CNTLN: variants seen among roughly 807,000 people sequenced by gnomAD.
CNTLN encodes the protein centlein.
CNTLN carries 212 observed loss-of-function variants against 180.0 expected under a neutral mutation model. The ratio of observed to expected loss-of-function variants is 1.18; its 90% confidence interval spans 1.05 to 1.32. The LOEUF (loss-of-function observed/expected upper bound fraction) is 1.32. CNTLN is among the 40% of genes most tolerant of loss of function. CNTLN has a pLI of 0.00. For synonymous variants in CNTLN, 722 were observed against 563.1 expected, an observed-to-expected ratio of 1.28 and a Z score of -3.99; for missense variants, 2,095 against 1,610.9, an observed-to-expected ratio of 1.30 and a Z score of -5.14.
chr9:17,268,364 C>G, intron 5 of CNTLN, among the ~76,000 whole-genome samples: 1 of 152,206 alleles, frequency 6.6e-6, no homozygotes, highest in Non-Finnish European at 1.5e-5. Context: ...ATTGGTGACC[C>G]GCAAATGCTG....
the CNTLN span, among the ~76,000 whole-genome samples, chr9:17,510,231 G>A: frequency 5.9e-5 from 9 of 152,204 alleles, no homozygotes; most frequent in Admixed American, 1.3e-4. Flanking sequence ...AAAGGGAATA[G>A]GGAATAAGTA....
chr9:17,459,262 C>T (rs1831315657), intron 19 of CNTLN, among the ~76,000 whole-genome samples: 1 of 151,726 alleles, frequency 6.6e-6, no homozygotes, highest in South Asian at 2.1e-4. Flanking sequence ...ATAATAGATC[C>T]ATATGAGTGT....
chr9:17,401,054 C>T (rs1826934148), intron 15 of CNTLN, among the ~76,000 whole-genome samples: 1 of 152,128 alleles, frequency 6.6e-6, no homozygotes, highest in Admixed American at 6.5e-5. Flanking sequence ...TCTGTGTTCT[C>T]CACTAAATTG....
chr9:17,165,431 A>C (rs550310671), intron 2 of CNTLN, among the ~76,000 whole-genome samples: 16 of 152,296 alleles, frequency 1.1e-4, no homozygotes, highest in African/African-American at 2.2e-4. Flanking sequence ...ATGTAAGGTG[A>C]ATTGATAAGT....
chr9:17,412,694 G>A (rs1026779934), intron 16 of CNTLN, among the ~76,000 whole-genome samples: 3 of 152,150 alleles, frequency 2.0e-5, no homozygotes, highest in African/African-American at 7.2e-5. Flanking sequence ...ATGATGTTTG[G>A]TAGGTCAGAT....
chr9:17,280,889 A>G (rs1392078675), intron 6 of CNTLN, among the ~76,000 whole-genome samples: 1 of 152,180 alleles, frequency 6.6e-6, no homozygotes, highest in Non-Finnish European at 1.5e-5. Flanking sequence ...TTTGAACTGT[A>G]TATATCTGGT....
intron 1 of CNTLN, among the ~76,000 whole-genome samples, chr9:17,139,038 A>G (rs1420689536): frequency 6.6e-6 from 1 of 152,134 alleles, no homozygotes; most frequent in Non-Finnish European, 1.5e-5. Context: ...AAAAATTATT[A>G]TTTGATTCTG....
chr9:17,454,212 G>A (rs1428668003), intron 18 of CNTLN, among the ~76,000 whole-genome samples: 2 of 152,038 alleles, frequency 1.3e-5, no homozygotes, highest in Admixed American at 1.3e-4. Context: ...CTTCCTCAAT[G>A]TTAAATTTAA....
chr9:17,392,664 A>C (rs1245215895), intron 14 of CNTLN, among the ~76,000 whole-genome samples: 1 of 152,204 alleles, frequency 6.6e-6, no homozygotes, highest in African/African-American at 2.4e-5. Context: ...TAGTAGGTTA[A>C]TATATCATAC....
intron 24 of CNTLN, 34 bp from the exon 25 acceptor site, chr9:17,486,955 C>T (rs1296765337): frequency 1.5e-5 from 16 of 1,086,588 alleles, no homozygotes; most frequent in South Asian, 4.2e-5. Context: ...ATATAAATTT[C>T]GTTAACACCA....
chr9:17,281,556 G>C (rs575410190), intron 6 of CNTLN, among the ~76,000 whole-genome samples: 1 of 152,014 alleles, frequency 6.6e-6, no homozygotes, highest in African/African-American at 2.4e-5. Context: ...GTGTTCCTGC[G>C]TTAGTTTGCT....
chr9:17,327,823 G>C (rs145678591), intron 8 of CNTLN, among the ~76,000 whole-genome samples: 2,151 of 151,928 alleles, frequency 0.014, 44 homozygotes, highest in African/African-American at 0.049. Context: ...CATGGTGGCA[G>C]ATGCCTGTAA....
intron 3 of CNTLN, among the ~76,000 whole-genome samples, chr9:17,231,404 T>G (rs1824804494): frequency 6.6e-6 from 1 of 152,098 alleles, no homozygotes; most frequent in African/African-American, 2.4e-5. Flanking sequence ...CTAATAATTA[T>G]TAGTATAAAG....
chr9:17,166,901 A>C (rs1337686245), intron 2 of CNTLN: 1 of 461,952 alleles, frequency 2.2e-6, no homozygotes, highest in African/African-American at 2.0e-5. Flanking sequence ...TGTGAGATCC[A>C]ACACATGAAT....
In CNTLN at chr9:17,328,098, A is replaced by G. The variant is rs144759230; in HGVS notation, c.1342-2534A>G. ...CATTTCAGGGTTGTTTTTGTACCTT[A>G]TGCATGTTTGGTGAAATCTATTTCT... On this transcript the variant is annotated intron_variant, in intron 8 of 25. Transcript: ENST00000380647. Among the ~76,000 whole-genome samples the G allele has an allele frequency of 1.2e-3, 176 of 152,300 alleles. 3 individuals carry two copies. The highest frequency in any genetic ancestry group is 3.9e-3 in the African/African-American group (163 of 41,570).
intron 2 of CNTLN, among the ~76,000 whole-genome samples, chr9:17,209,731 T>C (rs1460603705): frequency 6.6e-6 from 1 of 152,212 alleles, no homozygotes; most frequent in Non-Finnish European, 1.5e-5. Flanking sequence ...TAGCTACTCA[T>C]ACTCATTTGA....
intron 25 of CNTLN, among the ~76,000 whole-genome samples, chr9:17,500,736 G>A (rs775034184): frequency 2.2e-4 from 33 of 152,156 alleles, no homozygotes; most frequent in Non-Finnish European, 4.6e-4. Context: ...AGTAAGGGAC[G>A]GGAAATTACT....
At chr9:17,500,475 A>G (rs1469363152) in intron 25 of CNTLN, among the ~76,000 whole-genome samples, 4 of 152,228 alleles carry the variant, frequency 2.6e-5, no homozygotes, top group Non-Finnish European at 5.9e-5. Context: ...ACATTATTAC[A>G]CAGGAAATGA....
chr9:17,187,440 A>T (rs1025884165), intron 2 of CNTLN, among the ~76,000 whole-genome samples: 3 of 152,044 alleles, frequency 2.0e-5, no homozygotes, highest in Admixed American at 1.3e-4. Context: ...TTTTATAAGA[A>T]CAAGTAGTAA....
Sources: gnomAD v4.1 joint callset for allele counts (sites outside exome capture counted in the v4.1 genomes callset) on GRCh38, gnomAD v4.1.1 for gene constraint, MANE v1.5 for transcripts, NCBI Gene and HGNC (gene_info 2026-07-23, HGNC 2026-07-21) for gene names.